The following PDE4D variants were observed in gnomAD, a reference collection of about 807,000 sequenced individuals.
PDE4D encodes phosphodiesterase 4D, also known as 3',5'-cyclic-AMP phosphodiesterase 4D.
Under a neutral mutation model 87.4 loss-of-function variants are expected in PDE4D, and 24 were observed. The ratio of observed to expected loss-of-function variants is 0.27; its 90% CI spans 0.20 to 0.39. The LOEUF (loss-of-function observed/expected upper bound fraction) is 0.39, where lower values mean the gene tolerates loss of function less well. Among genes scored for constraint, PDE4D ranks in the 10% least tolerant of loss-of-function variants. The pLI is 1.00. For synonymous variants in PDE4D, 384 were observed against 383.2 expected, an observed-to-expected ratio of 1.00 and a Z score of -0.02; for missense variants, 714 against 1,041.0, an observed-to-expected ratio of 0.69 and a Z score of 4.32.
chr5:59,166,341 C>T (rs1781924506), intron 5 of PDE4D: 1 of 152,162 alleles, frequency 6.6e-6, no homozygotes, highest in African/African-American at 2.4e-5. Context: ...TTCTTGGGCT[C>T]CTCTCTGATC....
intron 5 of PDE4D, among the ~76,000 whole-genome samples, chr5:59,142,641 T>C (rs74530072): frequency 0.038 from 5,742 of 152,294 alleles, 326 homozygotes; most frequent in African/African-American, 0.12. Context: ...ATAATGGTTA[T>C]AAAGAATGAA....
intron 1 of PDE4D, among the ~76,000 whole-genome samples, chr5:59,414,190 C>T (rs1460192588): frequency 6.6e-6 from 1 of 152,210 alleles, no homozygotes; most frequent in Non-Finnish European, 1.5e-5. Context: ...TCTTAATACT[C>T]AAGATAGTTC....
At chr5:60,410,884 G>GTTTTTACTTACTT (rs1421798407) in intron 1 of PDE4D, among the ~76,000 whole-genome samples, 1 of 152,182 alleles carries the variant, frequency 6.6e-6, no homozygotes, top group African/African-American at 2.4e-5. Flanking sequence ...CACTTGCCAT[G>GTTTTTACTTACTT]GGAGAGACAC....
At chr5:59,190,369 G>A (rs1022428653) in intron 3 of PDE4D, among the ~76,000 whole-genome samples, 1 of 152,048 alleles carries the variant, frequency 6.6e-6, no homozygotes, top group African/African-American at 2.4e-5. Context: ...TATGCAAAAA[G>A]TTTTTGTTTT....
rs140957404 is a variant in PDE4D, at chr5:59,293,233, G to T, written c.456-77265C>A. 4.1e-3 allele frequency among the ~76,000 whole-genome samples: 625 copies of T among 152,238 alleles called. 4 individuals are homozygous for T. Among genetic ancestry groups the T allele is most frequent in the African/African-American group, 0.014 (589 of 41,546 alleles). On this transcript the variant is annotated intron_variant, in intron 1 of 14. Transcript: ENST00000340635. ...TAATATGGCTTTCTTAAAAAATACAGTTATTTAAATGATTCTAGTTGTGTT... is the reference window on the plus strand; with the variant it reads ...TAATATGGCTTTCTTAAAAAATACATTTATTTAAATGATTCTAGTTGTGTT...
intron 1 of PDE4D, among the ~76,000 whole-genome samples, chr5:60,241,271 CTT>C (rs371953042): frequency 0.036 from 3,464 of 96,878 alleles, 89 homozygotes; most frequent in African/African-American, 0.1. Context: ...CTCTCTCTCT[CTT>C]TTTTTTTTTT....
chr5:60,100,500 G>C (rs1397785675), intron 2 of PDE4D, among the ~76,000 whole-genome samples: 1 of 151,978 alleles, frequency 6.6e-6, no homozygotes, highest in African/African-American at 2.4e-5. Context: ...AGTGGATCTA[G>C]AATATTTGCA....
Position 60,385,104 on chromosome 5 carries a change from A to C in PDE4D, c.-90+102838T>G, listed in dbSNP as rs541673174. ...TCATCCAGACTCCGCCTTCATTGCCACTGTTCCTCCACAAGCCAAAAACCT... is the reference window on the plus strand; with the variant it reads ...TCATCCAGACTCCGCCTTCATTGCCCCTGTTCCTCCACAAGCCAAAAACCT... On this transcript the variant is annotated intron_variant, in intron 1 of 16. Transcript: ENST00000502484. Among the ~76,000 whole-genome samples, 3 of 152,276 alleles carry C rather than the reference A, an allele frequency of 2.0e-5. No homozygotes were observed. The South Asian group carries it at 6.2e-4, about 32-fold the overall frequency.
chr5:60,380,270 C>T (rs1039168013), intron 1 of PDE4D, among the ~76,000 whole-genome samples: 5 of 152,178 alleles, frequency 3.3e-5, no homozygotes, highest in South Asian at 2.1e-4. Flanking sequence ...CTGCTTCCAG[C>T]CTCTTTAGAT....
At chr5:60,005,382 C>T (rs574730916) in intron 2 of PDE4D, among the ~76,000 whole-genome samples, 8 of 151,980 alleles carry the variant, frequency 5.3e-5, no homozygotes, top group Non-Finnish European at 1.2e-4. Context: ...TTTAATATTG[C>T]AGCTTGGTGA....
intron 1 of PDE4D, among the ~76,000 whole-genome samples, chr5:60,351,578 G>A (rs1482494640): frequency 6.6e-6 from 1 of 152,070 alleles, no homozygotes; most frequent in Non-Finnish European, 1.5e-5. Flanking sequence ...AGAACAAGAA[G>A]GAAATTGGGT....
intron 5 of PDE4D, among the ~76,000 whole-genome samples, chr5:59,141,729 A>T (rs189038077): frequency 2.0e-5 from 3 of 152,306 alleles, no homozygotes; most frequent in Non-Finnish European, 2.9e-5. Context: ...GAAAGGGACG[A>T]TGTTGTGGAC....
intron 3 of PDE4D, among the ~76,000 whole-genome samples, chr5:59,932,985 A>G (rs1756143557): frequency 6.6e-6 from 1 of 150,410 alleles, no homozygotes; most frequent in Non-Finnish European, 1.5e-5. Context: ...TGGGGCAGCA[A>G]CAGGCTTCTG....
chr5:59,089,482 CT>C (rs1381652210), intron 5 of PDE4D, among the ~76,000 whole-genome samples: 7 of 152,080 alleles, frequency 4.6e-5, no homozygotes, highest in African/African-American at 1.7e-4. Context: ...TGGACAGGCA[CT>C]GCTTTAAGTA....
At chr5:59,590,230 T>G (rs1270138180) in intron 1 of PDE4D, among the ~76,000 whole-genome samples, 1 of 152,204 alleles carries the variant, frequency 6.6e-6, no homozygotes, top group African/African-American at 2.4e-5. Context: ...TAATACTTCC[T>G]ACATGTATGG....
intron 1 of PDE4D, among the ~76,000 whole-genome samples, chr5:59,673,388 G>A (rs779888654): frequency 6.6e-6 from 1 of 152,076 alleles, no homozygotes; most frequent in Non-Finnish European, 1.5e-5. Flanking sequence ...GAGACCTTCC[G>A]AATTACCTCT....
chr5:60,213,639 T>C lies in PDE4D; in HGVS notation c.-89-27952A>G, dbSNP rs1046270906. Reference sequence around the variant, plus strand: ...ACAACAGAATAAATTTTTTTTAAACTTTTTTTATAGTCAATAAGGCCAGGC... The same window carrying C: ...ACAACAGAATAAATTTTTTTTAAACCTTTTTTATAGTCAATAAGGCCAGGC... On this transcript the variant is annotated intron_variant, in intron 1 of 16. Transcript: ENST00000502484. Among the ~76,000 whole-genome samples, 6 of 152,182 alleles carry C rather than the reference T, an allele frequency of 3.9e-5. No homozygotes were observed. The East Asian group carries it at 1.2e-3, about 29-fold the overall frequency.
At chr5:60,268,226 C>G (rs10939839) in intron 1 of PDE4D, among the ~76,000 whole-genome samples, 10,983 of 152,224 alleles carry the variant, frequency 0.072, 452 homozygotes, top group Non-Finnish European at 0.098. Flanking sequence ...CTTCATCATG[C>G]CTGTTTACAA....
intron 5 of PDE4D, among the ~76,000 whole-genome samples, chr5:59,066,088 T>TTC (rs1763881067): frequency 6.6e-6 from 1 of 152,166 alleles, no homozygotes; most frequent in African/African-American, 2.4e-5. Context: ...AAAGAAAACC[T>TTC]ATCAATTCAT....
Sources: allele counts gnomAD v4.1 joint callset (sites outside exome capture counted in the v4.1 genomes callset), GRCh38; gene constraint gnomAD v4.1.1; transcripts MANE v1.5; gene names NCBI Gene and HGNC (gene_info 2026-07-23, HGNC 2026-07-21).